NACC2: variants seen among roughly 807,000 people sequenced by gnomAD.
NACC2 encodes nucleus accumbens-associated protein 2.
A neutral mutation model predicts 25.1 loss-of-function variants in NACC2; 8 were observed. The observed-to-expected ratio is 0.32, with a 90% confidence interval of 0.19 to 0.57. NACC2 has a LOEUF of 0.57. Among genes scored for constraint, NACC2 ranks in the 20% least tolerant of loss-of-function variants. The pLI, the probability that NACC2 is intolerant of heterozygous loss-of-function variation, is 0.89. For missense variants in NACC2, 644 were observed against 650.2 expected, an observed-to-expected ratio of 0.99 and a Z score of 0.10; for synonymous variants, 435 against 294.7, an observed-to-expected ratio of 1.48 and a Z score of -4.88.
At chr9:136,045,926 G>A (rs980034806) in intron 2 of NACC2, among the ~76,000 whole-genome samples, 2 of 151,944 alleles carry the variant, frequency 1.3e-5, no homozygotes, top group African/African-American at 2.4e-5. Context: ...CTGCCCACCC[G>A]GCCGGCTGCC....
chr9:136,092,303 A>G (rs1171410920), intron 1 of NACC2, among the ~76,000 whole-genome samples: 1 of 151,374 alleles, frequency 6.6e-6, no homozygotes, highest in Non-Finnish European at 1.5e-5. Flanking sequence ...CTGACCGGAG[A>G]TGGGGTGAGA....
At position 136,048,519 on chromosome 9, in the gene NACC2, T is replaced by G. The variant is rs976343674; in HGVS notation, c.886+1117A>C. On this transcript the variant is annotated intron_variant, in intron 2 of 5. Coordinates refer to ENST00000277554, the MANE Select transcript of NACC2 (RefSeq NM_144653.5). The stretch of plus-strand genomic sequence containing the variant: ...GTGAAGCCCAGATCGAGGTGGCCTG[T>G]GAGCTGGCATTCTGTGGGATTCATG... Among the ~76,000 whole-genome samples the G allele has an allele frequency of 1.1e-3, 166 of 152,368 alleles. 2 individuals carry two copies. The highest frequency in any genetic ancestry group is 4.1e-3 in the South Asian group (20 of 4,826).
At chr9:136,045,727 C>T (rs1228539890) in intron 2 of NACC2, among the ~76,000 whole-genome samples, 2 of 152,150 alleles carry the variant, frequency 1.3e-5, no homozygotes, top group Non-Finnish European at 2.9e-5. Flanking sequence ...TGGGTGACAA[C>T]GGCCACCCCC....
intron 1 of NACC2, among the ~76,000 whole-genome samples, chr9:136,066,011 T>C (rs1170525573): frequency 2.0e-5 from 3 of 151,872 alleles, no homozygotes; most frequent in Non-Finnish European, 4.4e-5. Flanking sequence ...CTGGCCAACA[T>C]GGTGAAAACC....
intron 2 of NACC2, among the ~76,000 whole-genome samples, chr9:136,023,124 GGGAGGGAGGAA>G (rs1840323750): frequency 1.6e-5 from 2 of 128,034 alleles, no homozygotes; most frequent in African/African-American, 3.0e-5. Flanking sequence ...AGGGGGAGGA[GGGAGGGAGGAA>G]GGACCTGTAC....
intron 2 of NACC2, among the ~76,000 whole-genome samples, chr9:136,036,980 C>T (rs1441903110): frequency 1.3e-5 from 2 of 152,096 alleles, no homozygotes; most frequent in Non-Finnish European, 2.9e-5. Context: ...ATAAAAGCAG[C>T]CTAAGAAGAA....
chr9:136,069,652 G>A (rs1002399862), intron 1 of NACC2, among the ~76,000 whole-genome samples: 1 of 151,842 alleles, frequency 6.6e-6, no homozygotes, highest in African/African-American at 2.4e-5. Context: ...GATAAATTAT[G>A]CAAACATAAA....
chr9:136,033,176 A>AAAAATAAAAT (rs565687845), intron 2 of NACC2, among the ~76,000 whole-genome samples: 141 of 151,884 alleles, frequency 9.3e-4, no homozygotes, highest in African/African-American at 3.4e-3. Flanking sequence ...ACCCTGTCTC[A>AAAAATAAAAT]AAAATAAAAT....
At chr9:136,058,289 T>A (rs1479373489) in intron 1 of NACC2, among the ~76,000 whole-genome samples, 1 of 152,212 alleles carries the variant, frequency 6.6e-6, no homozygotes, top group Non-Finnish European at 1.5e-5. Context: ...CAGCACCTCA[T>A]GGCCACCTCC....
chr9:136,050,670 G>C, intron 1 of NACC2, 90 bp from the exon 2 acceptor site: 1 of 646,402 alleles, frequency 1.5e-6, no homozygotes, highest in Non-Finnish European at 2.8e-6. Context: ...CCCCCGCCGG[G>C]GGCTTACAAA....
Position 136,014,047 on chromosome 9 carries a change from G to T in NACC2, c.1052-78C>A, listed in dbSNP as rs540580613. On this transcript the variant is annotated intron_variant, in intron 3 of 5. Coordinates refer to ENST00000277554, the MANE Select transcript of NACC2 (RefSeq NM_144653.5). ...CGAAGAGGCGCACAGATGGGTGAGG[G>T]GGAGGGGGGGAGGTGGAGGGGGAGG... The T allele has an allele frequency of 7.3e-4, 526 of 720,220 alleles. 6 individuals are homozygous for T. Among genetic ancestry groups the T allele is most frequent in the Admixed American group, 1.1e-3 (37 of 32,216 alleles). The allele number at this position is 720,220 out of a possible 1,614,324, so 44.6% of individuals were successfully genotyped here. A position where few individuals can be genotyped will look rare whatever the true frequency, so the allele number is the denominator to read the frequency against.
rs943755189 is a variant in NACC2 at position 136,086,711 on chromosome 9, G to A, written c.-60+8478C>T. ...GCCGACTCCTAGGAAAACCCTCCCC[G>A]ACCAGTGGCCCCGTTTCCCTCCCAC... On this transcript the variant is annotated intron_variant, in intron 1 of 5. Coordinates refer to ENST00000277554, the MANE Select transcript of NACC2 (RefSeq NM_144653.5). The surrounding 1 kb of genome is among the most constrained non-coding windows in gnomAD (Gnocchi z 5.6). Among the ~76,000 whole-genome samples the A allele has an allele frequency of 6.6e-6, 1 of 152,104 alleles. No individual in the cohort carries two copies. Among genetic ancestry groups the A allele is most frequent in the Non-Finnish European group, 1.5e-5 (1 of 68,014 alleles).
At position 136,033,896 on chromosome 9, in the gene NACC2, T is replaced by A. The variant is rs1205251731; in HGVS notation, c.886+15740A>T. 2.6e-4 allele frequency among the ~76,000 whole-genome samples: 5 copies of A among 19,310 alleles called. No homozygotes were observed. The East Asian group carries it at 4.0e-3, about 16-fold the overall frequency. The allele number at this position is 19,310 out of a possible 152,430, so 12.7% of individuals were successfully genotyped here. On this transcript the variant is annotated intron_variant, in intron 2 of 5. Transcript: ENST00000277554. ...GCAATCCCAATCAAATTCCAGCAGG[T>A]GTGTGTGTGTGTGTGTGTGTGTGTG...
intron 1 of NACC2, among the ~76,000 whole-genome samples, chr9:136,075,733 G>A (rs1488723931): frequency 6.6e-6 from 1 of 152,226 alleles, no homozygotes; most frequent in Non-Finnish European, 1.5e-5. Flanking sequence ...CTGCGCCCAG[G>A]GGAGGAGACC....
At chr9:136,057,447 C>A (rs1197337864) in intron 1 of NACC2, among the ~76,000 whole-genome samples, 3 of 152,200 alleles carry the variant, frequency 2.0e-5, no homozygotes, top group Non-Finnish European at 4.4e-5. Context: ...AGCCAGCAGA[C>A]CCACTGGGTC....
chr9:136,061,943 A>T (rs1841016569), intron 1 of NACC2, among the ~76,000 whole-genome samples: 1 of 152,168 alleles, frequency 6.6e-6, no homozygotes, highest in South Asian at 2.1e-4. Context: ...ACCATGGCGA[A>T]ATCCCATCCC....
chr9:136,048,468 C>CCT (rs1840761512), intron 2 of NACC2, among the ~76,000 whole-genome samples: 1 of 152,228 alleles, frequency 6.6e-6, no homozygotes, highest in African/African-American at 2.4e-5. Flanking sequence ...AGCCCTACCC[C>CCT]CTACCACTAA....
rs144964240 is a variant in NACC2, at chr9:136,079,132, C to A, written c.-60+16057G>T. Among the ~76,000 whole-genome samples the A allele has an allele frequency of 1.6e-3, 237 of 152,064 alleles. 1 individual carries two copies. The highest frequency in any genetic ancestry group is 5.5e-3 in the African/African-American group (228 of 41,454). ...TGAAATCTACTCACGTATGTCTGTG[C>A]GTCCCGTCCTTAACAAGAGAAAGCT... On this transcript the variant is annotated intron_variant, in intron 1 of 5. Coordinates refer to ENST00000277554, the MANE Select transcript of NACC2 (RefSeq NM_144653.5).
Position 136,084,844 on chromosome 9 carries a change from C to A in NACC2, c.-60+10345G>T, listed in dbSNP as rs370308985. Reference sequence around the variant, plus strand: ...AAATGAGCCAGTCACACGAGGACACCCCCTGTGGGACTCCACTCACATGCA... The same window carrying A: ...AAATGAGCCAGTCACACGAGGACACACCCTGTGGGACTCCACTCACATGCA... On this transcript the variant is annotated intron_variant, in intron 1 of 5. Coordinates refer to ENST00000277554, the MANE Select transcript of NACC2 (RefSeq NM_144653.5). This position sits in a 1 kb window ranked among gnomAD's most constrained non-coding sequence, Gnocchi z 5.1. Among the ~76,000 whole-genome samples, 1 of 152,192 alleles carries A rather than the reference C, an allele frequency of 6.6e-6. No homozygotes were observed. The highest frequency in any genetic ancestry group is 1.5e-5 in the Non-Finnish European group (1 of 68,038).
Sources: allele counts gnomAD v4.1 joint callset (sites outside exome capture counted in the v4.1 genomes callset), GRCh38; gene constraint gnomAD v4.1.1; non-coding constraint Gnocchi (gnomAD v3.1); transcripts MANE v1.5; gene names NCBI Gene and HGNC (gene_info 2026-07-23, HGNC 2026-07-21).